ZNF831: variants seen among roughly 807,000 people sequenced by gnomAD.
ZNF831 encodes chromosome 20 open reading frame 174.
A neutral mutation model predicts 95.8 loss-of-function variants in ZNF831; 59 were observed. That is an observed-to-expected ratio of 0.62 (90% CI 0.50 to 0.77). ZNF831 has a LOEUF of 0.77. Among genes scored for constraint, ZNF831 ranks in the 30% least tolerant of loss-of-function variants. The pLI, the probability that ZNF831 is intolerant of heterozygous loss-of-function variation, is 0.00. For missense variants in ZNF831, 2,205 were observed against 2,164.0 expected, an observed-to-expected ratio of 1.02 and a Z score of -0.38; for synonymous variants, 961 against 925.5, an observed-to-expected ratio of 1.04 and a Z score of -0.70.
intron 4 of ZNF831, among the ~76,000 whole-genome samples, chr20:59,236,870 T>TC (rs1305844788): frequency 6.6e-6 from 1 of 152,182 alleles, no homozygotes; most frequent in African/African-American, 2.4e-5. Context: ...AAAAAGATTT[T>TC]CCCCCCGTTT....
intron 1 of ZNF831, among the ~76,000 whole-genome samples, chr20:59,174,350 A>G (rs1199635439): frequency 6.6e-6 from 1 of 152,216 alleles, no homozygotes; most frequent in Non-Finnish European, 1.5e-5. Context: ...ATACCACCGC[A>G]TAATGGTTGC....
At chr20:59,150,171 T>A (rs1980144240) in intron 2 of ZNF831, among the ~76,000 whole-genome samples, 1 of 152,156 alleles carries the variant, frequency 6.6e-6, no homozygotes, top group Admixed American at 6.5e-5. Flanking sequence ...GAAACACATG[T>A]TCTCTCTCTC....
chr20:59,233,385 GA>G (rs1422105367), intron 4 of ZNF831, among the ~76,000 whole-genome samples: 1 of 152,068 alleles, frequency 6.6e-6, no homozygotes, highest in Non-Finnish European at 1.5e-5. Context: ...TGTGGTGGGG[GA>G]AAAAATCTGA....
At chr20:59,250,739 G>A (rs1332203268) in intron 4 of ZNF831, among the ~76,000 whole-genome samples, 1 of 151,996 alleles carries the variant, frequency 6.6e-6, no homozygotes, top group African/African-American at 2.4e-5. Context: ...AAAAGAACAT[G>A]GGAAAGAACT....
chr20:59,201,769 G>A (rs967499507), intron 3 of ZNF831, among the ~76,000 whole-genome samples: 11 of 152,020 alleles, frequency 7.2e-5, no homozygotes, highest in African/African-American at 2.2e-4. Flanking sequence ...TGATTACGCC[G>A]CTTGACTCTG....
At chr20:59,139,888 A>G (rs1235668383) in intron 1 of ZNF831, among the ~76,000 whole-genome samples, 1 of 152,238 alleles carries the variant, frequency 6.6e-6, no homozygotes, top group Non-Finnish European at 1.5e-5. Flanking sequence ...TGAATTGAAC[A>G]GTGATTCAGA....
intron 3 of ZNF831, 148 bp downstream of exon 3, chr20:59,196,153 A>C: frequency 9.2e-7 from 1 of 1,082,504 alleles, no homozygotes; most frequent in Non-Finnish European, 1.3e-6. Flanking sequence ...TTTGTTTCCC[A>C]CCCCTTGCAA....
At chr20:59,223,702 T>C (rs1353010440) in intron 4 of ZNF831, among the ~76,000 whole-genome samples, 2 of 152,242 alleles carry the variant, frequency 1.3e-5, no homozygotes, top group Non-Finnish European at 2.9e-5. Flanking sequence ...TTGAATCATA[T>C]AACCTTGGCT....
chr20:59,239,639 G>T (rs1987206485), intron 4 of ZNF831, among the ~76,000 whole-genome samples: 3 of 151,172 alleles, frequency 2.0e-5, no homozygotes, highest in Admixed American at 6.6e-5. Context: ...CTTCCTCCTG[G>T]GTTCAAGCGA....
intron 4 of ZNF831, among the ~76,000 whole-genome samples, chr20:59,222,492 C>CTT (rs916962743): frequency 1.4e-5 from 2 of 145,798 alleles, no homozygotes; most frequent in Admixed American, 6.8e-5. Context: ...TTCTCTCTCT[C>CTT]TTTTTTTTTT....
chr20:59,222,482 TTCTC>T (rs1287610952), intron 4 of ZNF831, among the ~76,000 whole-genome samples: 3 of 151,080 alleles, frequency 2.0e-5, no homozygotes, highest in African/African-American at 4.8e-5. Flanking sequence ...GGCTCTGTTT[TTCTC>T]TCTCTCTTTT....
intron 3 of ZNF831, among the ~76,000 whole-genome samples, chr20:59,206,083 C>G (rs1357108941): frequency 6.6e-6 from 1 of 152,148 alleles, no homozygotes; most frequent in Non-Finnish European, 1.5e-5. Flanking sequence ...ATCATGCCTT[C>G]CCTCTGAGAT....
intron 4 of ZNF831, among the ~76,000 whole-genome samples, chr20:59,230,013 A>G (rs903421417): frequency 6.6e-6 from 1 of 152,196 alleles, no homozygotes; most frequent in African/African-American, 2.4e-5. Flanking sequence ...GAATGAGGGT[A>G]GGTTGACATC....
At chr20:59,219,827 G>A (rs907637604) in intron 4 of ZNF831, among the ~76,000 whole-genome samples, 1 of 152,126 alleles carries the variant, frequency 6.6e-6, no homozygotes, top group Admixed American at 6.5e-5. Flanking sequence ...CTGTAGAAAC[G>A]GAGTGCCATG....
At position 59,245,535 on chromosome 20, in the gene ZNF831, G is replaced by A. The variant is rs541737364; in HGVS notation, c.4028-7443G>A. Among the ~76,000 whole-genome samples the A allele has an allele frequency of 3.3e-5, 5 of 152,200 alleles. No homozygotes were observed. The South Asian group carries it at 1.0e-3, about 32-fold the overall frequency. On this transcript the variant is annotated intron_variant, in intron 4 of 5. Coordinates refer to ENST00000371030, the MANE Select transcript of ZNF831 (RefSeq NM_178457.3). ...GCGACACTCCATTATTTGTTGCAGTGTGGGATGTGTAGCAGGGTTGCTGGT... is the reference window on the plus strand; with the variant it reads ...GCGACACTCCATTATTTGTTGCAGTATGGGATGTGTAGCAGGGTTGCTGGT...
chr20:59,205,030 G>A (rs573326806), intron 3 of ZNF831, among the ~76,000 whole-genome samples: 1 of 152,090 alleles, frequency 6.6e-6, no homozygotes, highest in African/African-American at 2.4e-5. Context: ...ATTCAGAGGC[G>A]GGGCCTTTCC....
chr20:59,192,564 G>A lies in ZNF831; in HGVS notation c.1545G>A (p.Thr515=), dbSNP rs180706654. 1.1e-4 allele frequency: 160 copies of A among 1,521,224 alleles called. No homozygotes were observed. The East Asian group carries it at 2.2e-3, about 21-fold the overall frequency. The allele number at this position is 1,521,224 out of a possible 1,614,324, so 94.2% of individuals were successfully genotyped here. The change falls in exon 2 of 6, where the codon ACG becomes ACA. Residue 515 remains threonine (T), a synonymous_variant. Coordinates refer to ENST00000371030, the MANE Select transcript of ZNF831 (RefSeq NM_178457.3). This position sits in a 1 kb window ranked among gnomAD's most constrained non-coding sequence, Gnocchi z 5.2. ...NSLPFVEGSR[T]WLEPREPRDP... is the part of the protein sequence containing the mutation. ...TGCCCTTCGTCGAGGGCTCCAGGAC[G>A]TGGCTGGAGCCCAGGGAGCCCCGGG... is the stretch of plus-strand genomic sequence containing the variant.
chr20:59,167,102 A>G (rs774146786), intron 1 of ZNF831, among the ~76,000 whole-genome samples: 3 of 152,254 alleles, frequency 2.0e-5, no homozygotes, highest in Admixed American at 6.5e-5. Context: ...TTGCTGTTTC[A>G]CTATTTTTTA....
Position 59,172,746 on chromosome 20 carries a change from ACT to A in ZNF831, c.-37+8544_-37+8545del, listed in dbSNP as rs373839921. On this transcript the variant is annotated intron_variant, in intron 1 of 5. Coordinates refer to ENST00000371030, the MANE Select transcript of ZNF831 (RefSeq NM_178457.3). ...TGCACAACTAATACACTAAATTGAG[ACT>A]CTCTGGTAAGTGCACTCCTGTCAAT... Among the ~76,000 whole-genome samples the A allele has an allele frequency of 5.1e-3, 770 of 151,900 alleles. 2 individuals carry two copies. Among genetic ancestry groups the A allele is most frequent in the Middle Eastern group, 0.017 (5 of 294 alleles).
Sources: allele counts gnomAD v4.1 joint callset (sites outside exome capture counted in the v4.1 genomes callset), GRCh38; gene constraint gnomAD v4.1.1; non-coding constraint Gnocchi (gnomAD v3.1); transcripts MANE v1.5; gene names NCBI Gene and HGNC (gene_info 2026-07-23, HGNC 2026-07-21).